Variants in PINX1 observed in about 807,000 individuals in gnomAD.
PINX1 encodes PIN2 (TERF1) interacting telomerase inhibitor 1.
A neutral mutation model predicts 25.4 loss-of-function variants in PINX1; 34 were observed. The observed-to-expected ratio is 1.34, with a 90% CI of 1.02 to 1.78. The LOEUF is 1.78. Ranked by LOEUF, PINX1 falls within the 40% of genes most tolerant of loss-of-function variation. The pLI is 0.00. For synonymous variants in PINX1, 197 were observed against 147.7 expected, an observed-to-expected ratio of 1.33 and a Z score of -2.42; for missense variants, 592 against 404.9, an observed-to-expected ratio of 1.46 and a Z score of -3.97.
intron 6 of PINX1, among the ~76,000 whole-genome samples, chr8:10,777,630 C>A (rs1379813750): frequency 1.3e-5 from 2 of 152,032 alleles, no homozygotes; most frequent in Non-Finnish European, 2.9e-5. Flanking sequence ...AGAGGTTCTT[C>A]GTGTATCTTA....
At chr8:10,839,547 G>A (rs1798506636) in intron 1 of PINX1, among the ~76,000 whole-genome samples, 191 bp downstream of exon 1, 1 of 152,226 alleles carries the variant, frequency 6.6e-6, no homozygotes, top group African/African-American at 2.4e-5. Context: ...CTCACTAGCA[G>A]ACCTGCGGCC....
At chr8:10,831,837 T>A in intron 3 of PINX1, 94 bp from the exon 4 acceptor site, 1 of 703,986 alleles carries the variant, frequency 1.4e-6, no homozygotes, top group Non-Finnish European at 2.5e-6. Flanking sequence ...ATCCAGTGGT[T>A]AATTAAGAAA....
At chr8:10,818,729 AG>A (rs1276805562) in intron 6 of PINX1, among the ~76,000 whole-genome samples, 1 of 152,042 alleles carries the variant, frequency 6.6e-6, no homozygotes, top group African/African-American at 2.4e-5. Flanking sequence ...GTTGATACAA[AG>A]GCTCAGGGTG....
At chr8:10,831,994 G>A (rs753930699) in intron 3 of PINX1, among the ~76,000 whole-genome samples, 6 of 152,134 alleles carry the variant, frequency 3.9e-5, no homozygotes, top group East Asian at 3.8e-4. Flanking sequence ...ATGACTTATC[G>A]ATCAAGTCAA....
chr8:10,826,828 G>C (rs548375352), intron 4 of PINX1, among the ~76,000 whole-genome samples: 29 of 152,250 alleles, frequency 1.9e-4, no homozygotes, highest in Admixed American at 6.5e-5. Context: ...GAATGGTTTC[G>C]AGGGGACAAG....
rs183341207 is a variant in PINX1, at chr8:10,776,495, A to G, written c.472-10579T>C. On this transcript the variant is annotated intron_variant, in intron 6 of 6. Coordinates refer to ENST00000314787, the MANE Select transcript of PINX1 (RefSeq NM_017884.6). ...TAAAAATTGGTCTTTAACATTATAT[A>G]ATATATATAATTCTTAACACTGTCA... Among the ~76,000 whole-genome samples the G allele has an allele frequency of 1.2e-4, 19 of 152,228 alleles. No individual in the cohort carries two copies. In the East Asian group the frequency reaches 3.7e-3, roughly 29 times the overall value.
chr8:10,793,209 T>A (rs1158567732), intron 6 of PINX1, among the ~76,000 whole-genome samples: 1 of 152,176 alleles, frequency 6.6e-6, no homozygotes, highest in Non-Finnish European at 1.5e-5. Context: ...AGTGTCTGCA[T>A]CCTCTAAACT....
intron 4 of PINX1, 25 bp downstream of exon 4, chr8:10,831,640 A>T (rs1472002595): frequency 1.4e-6 from 2 of 1,437,190 alleles, no homozygotes; most frequent in Non-Finnish European, 1.9e-6. Context: ...TTGCATTGAG[A>T]ACTTATGTCA....
chr8:10,803,857 T>C (rs1214154034), intron 6 of PINX1, among the ~76,000 whole-genome samples: 1 of 152,240 alleles, frequency 6.6e-6, no homozygotes, highest in East Asian at 1.9e-4. Flanking sequence ...GTGGATAATG[T>C]GTCTGGATTT....
Position 10,789,871 on chromosome 8 carries a change from T to G in PINX1, c.472-23955A>C, listed in dbSNP as rs936376392. 2.6e-5 allele frequency among the ~76,000 whole-genome samples: 4 copies of G among 152,202 alleles called. No homozygotes were observed. The East Asian group carries it at 5.8e-4, about 22-fold the overall frequency. ...ATGGATTTTTCCCCCTTCTTCCTAA[T>G]GTACTATGTACAGGTCATGGTTTCT... On this transcript the variant is annotated intron_variant, in intron 6 of 6. Coordinates refer to ENST00000314787, the MANE Select transcript of PINX1 (RefSeq NM_017884.6).
Position 10,832,966 on chromosome 8 carries a change from G to T in PINX1, c.148C>A (p.Gln50Lys), listed in dbSNP as rs775122940. ...SKGKGLGAQE[Q>K]GATDHIKVQV... ...ACTTTAATATGATCTGTGGCTCCTT[G>T]CTCCTGAGCCCCTAAACCCTGTGGA... Residue 50 changes from glutamine (Q) to lysine (K), a missense_variant, in exon 3 of 7, where the codon CAA (glutamine) becomes AAA (lysine). Gln to Lys is a moderately conservative substitution (Grantham distance 53). Coordinates refer to ENST00000314787, the MANE Select transcript of PINX1 (RefSeq NM_017884.6). 1.2e-6 allele frequency: 2 copies of T among 1,608,118 alleles called. No individual in the cohort carries two copies. The highest frequency in any genetic ancestry group is 1.3e-5 in the African/African-American group (1 of 74,936).
chr8:10,803,136 C>T (rs1434984446), intron 6 of PINX1, among the ~76,000 whole-genome samples: 3 of 152,056 alleles, frequency 2.0e-5, no homozygotes, highest in African/African-American at 4.8e-5. Context: ...ATTAGTGAAC[C>T]CTAATATTCC....
intron 6 of PINX1, among the ~76,000 whole-genome samples, chr8:10,802,281 T>C (rs935040053): frequency 5.3e-5 from 8 of 152,254 alleles, no homozygotes; most frequent in South Asian, 4.1e-4. Context: ...TGGGGAACAA[T>C]TGCCAAGGAG....
intron 6 of PINX1, among the ~76,000 whole-genome samples, chr8:10,795,854 C>A (rs1208540924): frequency 6.6e-6 from 1 of 151,294 alleles, no homozygotes; most frequent in South Asian, 2.1e-4. Flanking sequence ...CAAAAAGGCC[C>A]TATTCACAAA....
intron 6 of PINX1, among the ~76,000 whole-genome samples, chr8:10,776,217 G>A (rs1474418696): frequency 2.0e-5 from 3 of 152,074 alleles, no homozygotes; most frequent in Non-Finnish European, 4.4e-5. Flanking sequence ...CCTAAGATCA[G>A]GAGTTCGAGA....
At chr8:10,823,135 G>A (rs1405779958) in intron 5 of PINX1, among the ~76,000 whole-genome samples, 1 of 152,154 alleles carries the variant, frequency 6.6e-6, no homozygotes, top group Non-Finnish European at 1.5e-5. Context: ...ATCAGAAGAG[G>A]AGATTGAATG....
At chr8:10,808,477 C>T (rs577876047) in intron 6 of PINX1, among the ~76,000 whole-genome samples, 32 of 152,324 alleles carry the variant, frequency 2.1e-4, no homozygotes, top group African/African-American at 7.0e-4. Context: ...GCATTTAACA[C>T]ATAATCGCTA....
At chr8:10,837,265 C>T (rs1372366468) in intron 1 of PINX1, among the ~76,000 whole-genome samples, 2 of 152,210 alleles carry the variant, frequency 1.3e-5, no homozygotes, top group African/African-American at 4.8e-5. Flanking sequence ...TCACTAGCTT[C>T]CCTGGTGGGC....
At chr8:10,775,676 C>T (rs1050033940) in intron 6 of PINX1, among the ~76,000 whole-genome samples, 5 of 152,012 alleles carry the variant, frequency 3.3e-5, no homozygotes, top group African/African-American at 1.2e-4. Flanking sequence ...GGACAGAAAA[C>T]GGGTACTCAA....
Sources: gnomAD v4.1 joint callset for allele counts (sites outside exome capture counted in the v4.1 genomes callset) on GRCh38, gnomAD v4.1.1 for gene constraint, MANE v1.5 for transcripts, NCBI Gene and HGNC (gene_info 2026-07-23, HGNC 2026-07-21) for gene names.